The following KATNIP variants were observed in gnomAD, a reference collection of about 807,000 sequenced individuals.
KATNIP encodes the protein katanin interacting protein, also known as katanin-interacting protein.
Under a neutral mutation model 174.0 loss-of-function variants are expected in KATNIP, and 126 were observed. The observed-to-expected ratio is 0.72, with a 90% CI of 0.63 to 0.84. The LOEUF (loss-of-function observed/expected upper bound fraction) is 0.84. KATNIP is among the 40% of genes least tolerant of loss of function. The pLI, the probability that KATNIP is intolerant of heterozygous loss-of-function variation, is 0.00. For missense variants in KATNIP, 1,958 were observed against 2,109.7 expected (o/e 0.93, Z 1.41); for synonymous variants, 810 against 835.7 (o/e 0.97, Z 0.53).
chr16:27,699,285 G>T (rs557482577), intron 9 of KATNIP, among the ~76,000 whole-genome samples: 1 of 152,128 alleles, frequency 6.6e-6, no homozygotes, highest in Non-Finnish European at 1.5e-5. Flanking sequence ...AGATCTGCCC[G>T]CCTGCAAGCC....
chr16:27,694,981 GC>G (rs1388277048), intron 8 of KATNIP, among the ~76,000 whole-genome samples: 1 of 152,040 alleles, frequency 6.6e-6, no homozygotes, highest in Non-Finnish European at 1.5e-5. Flanking sequence ...GCCTTCCACA[GC>G]TCAGCTGAAA....
chr16:27,652,866 C>A (rs570310353), intron 6 of KATNIP, among the ~76,000 whole-genome samples: 1 of 151,342 alleles, frequency 6.6e-6, no homozygotes, highest in Non-Finnish European at 1.5e-5. Flanking sequence ...ACAAAGTTTA[C>A]GTTTTAAAAA....
chr16:27,766,815 A>C (rs974759513), intron 20 of KATNIP, among the ~76,000 whole-genome samples: 1 of 152,064 alleles, frequency 6.6e-6, no homozygotes, highest in Non-Finnish European at 1.5e-5. Context: ...CTTCACGGGC[A>C]TTCATTGTTT....
At chr16:27,659,957 C>G (rs1004630136) in intron 6 of KATNIP, 49 of 979,344 alleles carry the variant, frequency 5.0e-5, no homozygotes, top group Admixed American at 6.2e-5. Flanking sequence ...TCCCCACTAC[C>G]TATTGTACAA....
At chr16:27,586,501 T>C (rs1400622698) in intron 2 of KATNIP, among the ~76,000 whole-genome samples, 2 of 151,526 alleles carry the variant, frequency 1.3e-5, no homozygotes, top group African/African-American at 4.9e-5. Context: ...GAACTGTGCC[T>C]TCCTCCCCAC....
intron 8 of KATNIP, among the ~76,000 whole-genome samples, chr16:27,697,987 A>G (rs2078973943): frequency 6.6e-6 from 1 of 152,174 alleles, no homozygotes; most frequent in African/African-American, 2.4e-5. Flanking sequence ...ATTTTACATA[A>G]CCACAGTACA....
intron 5 of KATNIP, among the ~76,000 whole-genome samples, chr16:27,638,165 C>A (rs1416032254): frequency 6.6e-6 from 1 of 152,192 alleles, no homozygotes; most frequent in Non-Finnish European, 1.5e-5. Flanking sequence ...GGATGAGGCA[C>A]CCCCTCCTAC....
intron 2 of KATNIP, among the ~76,000 whole-genome samples, chr16:27,588,620 G>T (rs2090992588): frequency 6.6e-6 from 1 of 151,774 alleles, no homozygotes; most frequent in South Asian, 2.1e-4. Context: ...CACCATGCCT[G>T]GCTCCATCCA....
intron 2 of KATNIP, among the ~76,000 whole-genome samples, chr16:27,577,668 G>A (rs2090548921): frequency 6.6e-6 from 1 of 152,070 alleles, no homozygotes; most frequent in African/African-American, 2.4e-5. Flanking sequence ...CTTCAGCCTG[G>A]GTGACAGAGT....
At chr16:27,582,829 G>A (rs550599247) in intron 2 of KATNIP, among the ~76,000 whole-genome samples, 34 of 152,142 alleles carry the variant, frequency 2.2e-4, no homozygotes, top group Non-Finnish European at 4.1e-4. Context: ...CTCAATAAAT[G>A]TCAACAATTA....
intron 3 of KATNIP, among the ~76,000 whole-genome samples, chr16:27,623,432 C>A (rs377112301): frequency 1.3e-5 from 2 of 152,112 alleles, no homozygotes; most frequent in African/African-American, 4.8e-5. Flanking sequence ...TCATCATCAT[C>A]ATTATCATCA....
intron 18 of KATNIP, among the ~76,000 whole-genome samples, chr16:27,760,399 T>C (rs1386070361): frequency 6.6e-6 from 1 of 152,152 alleles, no homozygotes; most frequent in Non-Finnish European, 1.5e-5. Context: ...TCCATTTGAG[T>C]TTCCTGGGCA....
intron 15 of KATNIP, 27 bp downstream of exon 15, chr16:27,740,947 G>A: frequency 1.9e-6 from 3 of 1,560,110 alleles, no homozygotes; most frequent in Non-Finnish European, 2.6e-6. Context: ...AGCCCGACTT[G>A]GGCATCATCA....
intron 2 of KATNIP, among the ~76,000 whole-genome samples, chr16:27,588,994 C>CTT (rs1247192326): frequency 6.9e-6 from 1 of 145,632 alleles, no homozygotes; most frequent in Non-Finnish European, 1.5e-5. Context: ...TCAAGGGATT[C>CTT]TTGTGCCTCA....
In KATNIP at chr16:27,761,516, G is replaced by C; in HGVS notation, c.3735G>C (p.Leu1245=). The change falls in exon 19 of 28, where the codon CTG becomes CTC. Residue 1245 remains leucine, a synonymous_variant. Transcript: ENST00000261588. Reference sequence around the variant, plus strand: ...AGGGCCAGGCGCTGCCCATCCACCTGCACCAGATCTCTGCTTCCCCCAGAG... The same window carrying C: ...AGGGCCAGGCGCTGCCCATCCACCTCCACCAGATCTCTGCTTCCCCCAGAG... The part of the protein sequence containing the change: ...GKEGQALPIH[L]HQISASPRDL... 6.2e-7 allele frequency: 1 copy of C among 1,614,086 alleles called. No homozygotes were observed. Among genetic ancestry groups the C allele is most frequent in the South Asian group, 1.1e-5 (1 of 91,078 alleles).
intron 11 of KATNIP, among the ~76,000 whole-genome samples, chr16:27,703,493 A>G (rs2079180981): frequency 6.6e-6 from 1 of 152,216 alleles, no homozygotes; most frequent in Non-Finnish European, 1.5e-5. Flanking sequence ...TGTTGTTGTT[A>G]TTGTTGTTGT....
chr16:27,753,765 C>T (rs2081607283), intron 17 of KATNIP, among the ~76,000 whole-genome samples: 1 of 143,692 alleles, frequency 7.0e-6, no homozygotes, highest in Admixed American at 6.9e-5. Context: ...TTCTTTTCCT[C>T]CTTCCCTCCT....
At chr16:27,723,424 G>A (rs138643607) in intron 14 of KATNIP, among the ~76,000 whole-genome samples, 28 of 151,300 alleles carry the variant, frequency 1.9e-4, no homozygotes, top group Non-Finnish European at 3.2e-4. Flanking sequence ...ATCTCTGCCT[G>A]ATATTCCTGG....
chr16:27,621,965 G>T (rs2076209363), intron 3 of KATNIP, among the ~76,000 whole-genome samples: 1 of 152,014 alleles, frequency 6.6e-6, no homozygotes, highest in African/African-American at 2.4e-5. Context: ...ATTTAGAGGG[G>T]TCATACATCC....
Sources: gnomAD v4.1 joint callset for allele counts (sites outside exome capture counted in the v4.1 genomes callset) on GRCh38, gnomAD v4.1.1 for gene constraint, MANE v1.5 for transcripts, NCBI Gene and HGNC (gene_info 2026-07-23, HGNC 2026-07-21) for gene names.